HS6ST3: variants seen among roughly 807,000 people sequenced by gnomAD.
The protein encoded by HS6ST3 is heparan-sulfate 6-O-sulfotransferase 3.
Under a neutral mutation model 36.7 loss-of-function variants are expected in HS6ST3, and 12 were observed. The ratio of observed to expected loss-of-function variants is 0.33; its 90% CI spans 0.21 to 0.53. The LOEUF is 0.53. HS6ST3 is among the 20% of genes least tolerant of loss of function. The pLI, the probability that HS6ST3 is intolerant of heterozygous loss-of-function variation, is 0.95. For synonymous variants in HS6ST3, 240 were observed against 257.5 expected, an observed-to-expected ratio of 0.93 and a Z score of 0.65; for missense variants, 584 against 640.9, an observed-to-expected ratio of 0.91 and a Z score of 0.96.
chr13:96,336,677 C>A (rs1387881631), intron 1 of HS6ST3, among the ~76,000 whole-genome samples: 2 of 152,180 alleles, frequency 1.3e-5, no homozygotes, highest in Non-Finnish European at 2.9e-5. Flanking sequence ...GCCTCCAGAT[C>A]TGTAAGGAAA....
At chr13:96,135,585 A>G (rs2053997706) in intron 1 of HS6ST3, among the ~76,000 whole-genome samples, 1 of 152,174 alleles carries the variant, frequency 6.6e-6, no homozygotes, top group South Asian at 2.1e-4. Context: ...TGGAATTTAC[A>G]GGGATCCAAG....
At chr13:96,714,629 C>T (rs1340956474) in intron 1 of HS6ST3, among the ~76,000 whole-genome samples, 1 of 152,154 alleles carries the variant, frequency 6.6e-6, no homozygotes, top group Non-Finnish European at 1.5e-5. Context: ...TCTCTAGCAA[C>T]TTACTGCTAG....
At chr13:96,235,558 A>T (rs1027625048) in intron 1 of HS6ST3, among the ~76,000 whole-genome samples, 2 of 152,202 alleles carry the variant, frequency 1.3e-5, no homozygotes, top group Non-Finnish European at 1.5e-5. Context: ...GTTTTCAGTG[A>T]AATGTAAAAT....
chr13:96,745,925 C>G (rs1447627748), intron 1 of HS6ST3, among the ~76,000 whole-genome samples: 4 of 152,012 alleles, frequency 2.6e-5, no homozygotes, highest in Non-Finnish European at 5.9e-5. Context: ...TGCAGAAATA[C>G]AAAGCCCAGG....
At chr13:96,625,098 G>C (rs1004976227) in intron 1 of HS6ST3, among the ~76,000 whole-genome samples, 7 of 152,214 alleles carry the variant, frequency 4.6e-5, no homozygotes, top group Non-Finnish European at 5.9e-5. Context: ...CCTGTAGGCT[G>C]TTGGCTTCCT....
At chr13:96,489,441 C>G (rs1455541251) in intron 1 of HS6ST3, among the ~76,000 whole-genome samples, 1 of 151,452 alleles carries the variant, frequency 6.6e-6, no homozygotes, top group Non-Finnish European at 1.5e-5. Flanking sequence ...AAATAAAAAA[C>G]ATGTTTCTAT....
chr13:96,748,314 G>A (rs1359740700), intron 1 of HS6ST3, among the ~76,000 whole-genome samples: 3 of 152,048 alleles, frequency 2.0e-5, no homozygotes, highest in African/African-American at 4.8e-5. Flanking sequence ...TGCTAGACAA[G>A]GCTTAGGTCA....
intron 1 of HS6ST3, among the ~76,000 whole-genome samples, chr13:96,646,385 C>A (rs1488642034): frequency 6.6e-6 from 1 of 151,942 alleles, no homozygotes; most frequent in East Asian, 1.9e-4. Flanking sequence ...GTCATCCAAA[C>A]AAGGTCACTG....
chr13:96,308,852 G>A (rs925201787), intron 1 of HS6ST3, among the ~76,000 whole-genome samples: 1 of 152,016 alleles, frequency 6.6e-6, no homozygotes, highest in African/African-American at 2.4e-5. Flanking sequence ...CTGTTATAAT[G>A]GGAAAATTGC....
At chr13:96,491,899 A>G (rs947111928) in intron 1 of HS6ST3, among the ~76,000 whole-genome samples, 1 of 152,100 alleles carries the variant, frequency 6.6e-6, no homozygotes, top group African/African-American at 2.4e-5. Flanking sequence ...TTTTCCACCC[A>G]GAGAATGAAT....
intron 1 of HS6ST3, among the ~76,000 whole-genome samples, chr13:96,236,314 C>T (rs1300443957): frequency 1.3e-5 from 2 of 152,128 alleles, no homozygotes; most frequent in Non-Finnish European, 1.5e-5. Context: ...TATCTTGCAT[C>T]CTTCAATCCA....
chr13:96,223,597 G>T (rs993171179), intron 1 of HS6ST3, among the ~76,000 whole-genome samples: 1 of 151,556 alleles, frequency 6.6e-6, no homozygotes, highest in Admixed American at 6.6e-5. Context: ...GAATAGAATA[G>T]CTGTACTTTG....
intron 1 of HS6ST3, among the ~76,000 whole-genome samples, chr13:96,714,782 C>G (rs1875650108): frequency 6.6e-6 from 1 of 152,074 alleles, no homozygotes; most frequent in Admixed American, 6.6e-5. Flanking sequence ...CACTGCAGCC[C>G]TGAACTCCTG....
intron 1 of HS6ST3, among the ~76,000 whole-genome samples, chr13:96,761,681 C>T (rs1876974512): frequency 6.6e-6 from 1 of 152,148 alleles, no homozygotes; most frequent in Non-Finnish European, 1.5e-5. Flanking sequence ...TTATTTCATA[C>T]ATTCCCATAA....
At chr13:96,231,642 T>C (rs577952045) in intron 1 of HS6ST3, among the ~76,000 whole-genome samples, 10 of 152,030 alleles carry the variant, frequency 6.6e-5, no homozygotes, top group South Asian at 2.1e-4. Context: ...ACCTCTCACA[T>C]TGGGATTTAC....
At chr13:96,212,737 A>G (rs575961923) in intron 1 of HS6ST3, among the ~76,000 whole-genome samples, 11 of 152,296 alleles carry the variant, frequency 7.2e-5, no homozygotes, top group African/African-American at 2.6e-4. Context: ...TAAAGTGTGT[A>G]AGAATTTGGG....
At chr13:96,377,247 T>C (rs1304600162) in intron 1 of HS6ST3, among the ~76,000 whole-genome samples, 1 of 151,458 alleles carries the variant, frequency 6.6e-6, no homozygotes, top group Non-Finnish European at 1.5e-5. Context: ...CTCAGCTACT[T>C]GGGAGGCTTA....
At chr13:96,562,821 A>T (rs138957761) in intron 1 of HS6ST3, among the ~76,000 whole-genome samples, 99 of 152,092 alleles carry the variant, frequency 6.5e-4, no homozygotes, top group Non-Finnish European at 8.1e-4. Flanking sequence ...GGAGCCCTCC[A>T]TGGAACAGTC....
chr13:96,293,070 A>G (rs929429797), intron 1 of HS6ST3, among the ~76,000 whole-genome samples: 1 of 152,114 alleles, frequency 6.6e-6, no homozygotes, highest in African/African-American at 2.4e-5. Flanking sequence ...ATATTTTATT[A>G]TTGAATAAAA....
Sources: allele counts gnomAD v4.1 joint callset (sites outside exome capture counted in the v4.1 genomes callset), GRCh38; gene constraint gnomAD v4.1.1; transcripts MANE v1.5; gene names NCBI Gene and HGNC (gene_info 2026-07-23, HGNC 2026-07-21).